Variants in GLYATL1 observed in about 807,000 individuals in gnomAD.
GLYATL1 encodes the protein glycine N-acyltransferase-like protein 1.
Under a neutral mutation model 20.0 loss-of-function variants are expected in GLYATL1, and 15 were observed. That is an observed-to-expected ratio of 0.75 (90% CI 0.50 to 1.15). The LOEUF is 1.15. Among genes scored for constraint, GLYATL1 ranks in the 50% most tolerant of loss-of-function variants. GLYATL1 has a pLI of 0.00. For synonymous variants in GLYATL1, 151 were observed against 131.5 expected (o/e 1.15, Z -1.01); for missense variants, 380 against 368.5 (o/e 1.03, Z -0.26).
At chr11:58,939,811 T>C in intron 1 of GLYATL1, among the ~76,000 whole-genome samples, 161 bp downstream of exon 1, 1 of 152,108 alleles carries the variant, frequency 6.6e-6, no homozygotes, top group East Asian at 1.9e-4. Flanking sequence ...TGTTTGTCAT[T>C]GTGTGTGTGT....
chr11:58,908,046 T>C (rs1002242255), exon 2 of GLYATL1: 1 of 152,666 alleles, frequency 6.6e-6, no homozygotes, highest in African/African-American at 2.4e-5. Context: ...TACTCATGCA[T>C]TGACCAAGCT....
At chr11:58,916,557 C>G (rs1240404373) in intron 1 of GLYATL1, among the ~76,000 whole-genome samples, 1 of 152,232 alleles carries the variant, frequency 6.6e-6, no homozygotes, top group African/African-American at 2.4e-5. Flanking sequence ...CTACCTCCCA[C>G]AGAGGCTTCA....
chr11:58,915,891 C>A (rs572434532), intron 1 of GLYATL1, among the ~76,000 whole-genome samples: 3 of 149,674 alleles, frequency 2.0e-5, no homozygotes, highest in African/African-American at 7.4e-5. Flanking sequence ...CAATTGTAAC[C>A]GTCCCTCTTT....
chr11:58,937,615 C>T (rs1438805659), upstream of GLYATL1, among the ~76,000 whole-genome samples: 5 of 152,186 alleles, frequency 3.3e-5, no homozygotes, highest in Admixed American at 2.6e-4. Flanking sequence ...CTGTTCGGTC[C>T]GTGCCTGAAA....
At chr11:58,940,416 ATCTTTGGGTGTATGTATGTCTAGATGTG>A (rs1856054816) in intron 1 of GLYATL1, among the ~76,000 whole-genome samples, 1 of 152,164 alleles carries the variant, frequency 6.6e-6, no homozygotes, top group African/African-American at 2.4e-5. Flanking sequence ...AAGCTATTGG[ATCTTTGGGTGTATGTATGTCTAGATGTG>A]TCTTTGGGTG....
intron 1 of GLYATL1, among the ~76,000 whole-genome samples, chr11:58,918,141 A>G (rs1855222338): frequency 6.6e-6 from 1 of 152,200 alleles, no homozygotes; most frequent in Non-Finnish European, 1.5e-5. Flanking sequence ...TTTGTCTACT[A>G]GGACTTCTAT....
At chr11:58,948,157 G>A (rs1425671347) in intron 4 of GLYATL1, among the ~76,000 whole-genome samples, 192 bp downstream of exon 4, 1 of 152,152 alleles carries the variant, frequency 6.6e-6, no homozygotes, top group African/African-American at 2.4e-5. Context: ...GGACCCTTCT[G>A]GGAAAGGGGG....
chr11:58,917,988 C>T (rs185414569), intron 1 of GLYATL1, among the ~76,000 whole-genome samples: 1 of 152,176 alleles, frequency 6.6e-6, no homozygotes, highest in Non-Finnish European at 1.5e-5. Flanking sequence ...AATTTCCTGC[C>T]TCATTTCCCC....
At chr11:58,922,872 G>T (rs1477039645), upstream of GLYATL1, among the ~76,000 whole-genome samples, 3 of 152,128 alleles carry the variant, frequency 2.0e-5, no homozygotes, top group Non-Finnish European at 4.4e-5. Flanking sequence ...CTCCAACCGT[G>T]GTCATCACCT....
chr11:58,943,107 A>C (rs7120597), intron 1 of GLYATL1: 275,098 of 595,384 alleles, frequency 0.46, 64,453 homozygotes, highest in Admixed American at 0.51. Flanking sequence ...TTTTGCTACA[A>C]ACTGTTGAAA....
chr11:58,948,835 C>T (rs564443392), intron 4 of GLYATL1, among the ~76,000 whole-genome samples: 5 of 152,134 alleles, frequency 3.3e-5, no homozygotes, highest in Admixed American at 1.3e-4. Flanking sequence ...AGTCATGTAG[C>T]GGCTGGATTC....
At chr11:58,950,822 CATATT>C (rs1201952205) in intron 4 of GLYATL1, among the ~76,000 whole-genome samples, 1 of 151,988 alleles carries the variant, frequency 6.6e-6, no homozygotes, top group East Asian at 1.9e-4. Flanking sequence ...CGATATTGAA[CATATT>C]ATATTTTCAT....
chr11:58,954,024 A>AT (rs1378885810), intron 4 of GLYATL1, among the ~76,000 whole-genome samples: 1 of 152,156 alleles, frequency 6.6e-6, no homozygotes. Context: ...ACATCATTCT[A>AT]TTTTGTGGGC....
upstream of GLYATL1, among the ~76,000 whole-genome samples, chr11:58,927,466 T>C (rs1166284689): frequency 1.3e-5 from 2 of 152,232 alleles, no homozygotes; most frequent in Non-Finnish European, 2.9e-5. Flanking sequence ...TTGCCTGTGC[T>C]GGCTCCCTCC....
Position 58,943,573 on chromosome 11 carries a change from C to T in GLYATL1, c.-136C>T. ...GTCACAAGAAGGATCTGAAGTGGAG[C>T]TTCTAGTATCCCCAGGAGCGCGAAG... On this transcript the variant is annotated 5_prime_UTR_variant, in exon 2 of 7. Coordinates refer to ENST00000532726, the MANE Select transcript of GLYATL1 (RefSeq NM_001389712.2). 2 of 1,613,518 alleles carry T rather than the reference C, an allele frequency of 1.2e-6. No individual in the cohort carries two copies. Among genetic ancestry groups the T allele is most frequent in the Non-Finnish European group, 1.7e-6 (2 of 1,179,672 alleles).
At chr11:58,951,397 T>A (rs1353229689) in intron 4 of GLYATL1, among the ~76,000 whole-genome samples, 1 of 152,140 alleles carries the variant, frequency 6.6e-6, no homozygotes, top group African/African-American at 2.4e-5. Flanking sequence ...TCTTTTCTCA[T>A]GCTATTTCAT....
intron 4 of GLYATL1, among the ~76,000 whole-genome samples, chr11:58,948,348 A>T (rs1856734487): frequency 6.6e-6 from 1 of 152,146 alleles, no homozygotes; most frequent in South Asian, 2.1e-4. Flanking sequence ...CAGTAAAATT[A>T]CCTCTCAGGG....
intron 1 of GLYATL1, among the ~76,000 whole-genome samples, chr11:58,922,155 T>A (rs181199946): frequency 6.6e-6 from 1 of 152,216 alleles, no homozygotes; most frequent in Non-Finnish European, 1.5e-5. Flanking sequence ...TGCCTGGGCA[T>A]CAACTGTGCC....
intron 4 of GLYATL1, among the ~76,000 whole-genome samples, chr11:58,949,816 G>A (rs1347565997): frequency 6.6e-6 from 1 of 152,016 alleles, no homozygotes; most frequent in Non-Finnish European, 1.5e-5. Flanking sequence ...GAGCTTTTCA[G>A]GGTGGGATGC....
Sources: gnomAD v4.1 joint callset for allele counts (sites outside exome capture counted in the v4.1 genomes callset) on GRCh38, gnomAD v4.1.1 for gene constraint, MANE v1.5 for transcripts, NCBI Gene and HGNC (gene_info 2026-07-23, HGNC 2026-07-21) for gene names.